B9D1: variants seen among roughly 807,000 people sequenced by gnomAD.
The protein encoded by B9D1 is B9 domain-containing protein 1.
B9D1 carries 20 observed loss-of-function variants against 26.1 expected under a neutral mutation model. The ratio of observed to expected loss-of-function variants is 0.77; its 90% confidence interval spans 0.54 to 1.12. The LOEUF (loss-of-function observed/expected upper bound fraction) is 1.12, where lower values mean the gene tolerates loss of function less well. Among genes scored for constraint, B9D1 ranks in the 50% most tolerant of loss-of-function variants. The pLI is 0.00. For synonymous variants in B9D1, 105 were observed against 103.1 expected (o/e 1.02, Z -0.11); for missense variants, 260 against 273.7 (o/e 0.95, Z 0.35).
chr17:19,360,241 G>T, intron 2 of B9D1, 79 bp downstream of exon 2: 1 of 1,314,824 alleles, frequency 7.6e-7, no homozygotes, highest in Non-Finnish European at 1.1e-6. Context: ...TGTTCTGAAT[G>T]GGGAGGGGAA....
intron 3 of B9D1, among the ~76,000 whole-genome samples, chr17:19,354,083 A>C (rs1567896257): frequency 6.6e-6 from 1 of 152,212 alleles, no homozygotes; most frequent in Non-Finnish European, 1.5e-5. Flanking sequence ...TTATTCCATC[A>C]GTATTTCTTC....
intron 6 of B9D1, 159 bp downstream of exon 6, chr17:19,343,631 A>G (rs1425538180): frequency 6.3e-7 from 1 of 1,579,626 alleles, no homozygotes; most frequent in Middle Eastern, 1.7e-4. Flanking sequence ...AGACATGACA[A>G]ACCCTCTGTG....
intron 5 of B9D1, among the ~76,000 whole-genome samples, chr17:19,344,888 C>T (rs1035484325): frequency 7.2e-5 from 11 of 152,208 alleles, no homozygotes; most frequent in African/African-American, 2.4e-4. Flanking sequence ...AGCCAGCAGG[C>T]GCTCCCCAAG....
At position 19,343,918 on chromosome 17, in the gene B9D1, G is replaced by A. The variant is rs1215199943; in HGVS notation, c.405-61C>T. ...CACCTGGGCATTCCTGGTCTTGGAC[G>A]ACACTGGATGTGGGCTCTCCTCGGT... On this transcript the variant is annotated intron_variant, in intron 5 of 6. Coordinates refer to ENST00000261499, the MANE Select transcript of B9D1 (RefSeq NM_015681.6). 4.2e-5 allele frequency: 68 copies of A among 1,609,280 alleles called. 1 individual carries two copies. Among genetic ancestry groups the A allele is most frequent in the East Asian group, 1.1e-4 (5 of 44,812 alleles).
intron 2 of B9D1, 148 bp from the exon 3 acceptor site, chr17:19,358,099 G>C: frequency 1.4e-6 from 1 of 697,194 alleles, no homozygotes; most frequent in Middle Eastern, 2.7e-4. Flanking sequence ...GGGACTAAGA[G>C]ATGATGGAGT....
chr17:19,357,496 T>C (rs894458262), intron 3 of B9D1: 10 of 388,268 alleles, frequency 2.6e-5, no homozygotes, highest in African/African-American at 1.7e-4. Flanking sequence ...CAACACGCCA[T>C]GGGAAGTCAG....
chr17:19,377,839 A>C (rs1912225924), intron 1 of B9D1: 1 of 985,312 alleles, frequency 1.0e-6, no homozygotes, highest in African/African-American at 1.7e-5. Context: ...GGGACAGACA[A>C]ACGAGCGGAG....
At chr17:19,377,496 G>A (rs1412813504) in intron 1 of B9D1, among the ~76,000 whole-genome samples, 2 of 152,120 alleles carry the variant, frequency 1.3e-5, no homozygotes, top group Non-Finnish European at 2.9e-5. Flanking sequence ...GTACGAATAT[G>A]CATACATATT....
At chr17:19,336,978 A>G (rs576961312), downstream of B9D1, among the ~76,000 whole-genome samples, 1 of 152,132 alleles carries the variant, frequency 6.6e-6, no homozygotes, top group South Asian at 2.1e-4. Context: ...ACTGCCCTTT[A>G]CCCTTCTGTG....
intron 3 of B9D1, among the ~76,000 whole-genome samples, chr17:19,351,361 T>C (rs2043707359): frequency 6.6e-6 from 1 of 152,228 alleles, no homozygotes; most frequent in Non-Finnish European, 1.5e-5. Flanking sequence ...TTTATCTTGC[T>C]AGTTTCTGAA....
intron 1 of B9D1, among the ~76,000 whole-genome samples, chr17:19,373,600 T>C (rs1466302965): frequency 5.3e-5 from 8 of 152,248 alleles, no homozygotes; most frequent in Admixed American, 5.2e-4. Flanking sequence ...GGTTTCACCA[T>C]GTTAGTCAGG....
Position 19,357,963 on chromosome 17 carries a change from G to A in B9D1, c.133-12C>T, listed in dbSNP as rs1181877339. 1.2e-6 allele frequency: 2 copies of A among 1,604,536 alleles called. No individual in the cohort carries two copies. Among genetic ancestry groups the A allele is most frequent in the South Asian group, 2.2e-5 (2 of 90,898 alleles). ...CCCTCCTCCAGACCCTGTGAGGACA[G>A]TGACACAGACGGCTGGATTCAGAGC... On this transcript the variant is annotated splice_polypyrimidine_tract_variant and intron_variant, in intron 2 of 6. Coordinates refer to ENST00000261499, the MANE Select transcript of B9D1 (RefSeq NM_015681.6).
At chr17:19,351,638 G>A (rs1909620415) in intron 3 of B9D1, among the ~76,000 whole-genome samples, 1 of 152,162 alleles carries the variant, frequency 6.6e-6, no homozygotes, top group Non-Finnish European at 1.5e-5. Context: ...CAGTGATGAA[G>A]ACACTCGGAC....
intron 3 of B9D1, among the ~76,000 whole-genome samples, chr17:19,349,696 T>C (rs892209228): frequency 2.6e-5 from 4 of 152,154 alleles, no homozygotes; most frequent in Non-Finnish European, 4.4e-5. Flanking sequence ...CTTTTTCTTA[T>C]TGATTTATAG....
chr17:19,341,549 G>C (rs1013750457), downstream of B9D1, among the ~76,000 whole-genome samples: 2 of 152,240 alleles, frequency 1.3e-5, no homozygotes, highest in Non-Finnish European at 2.9e-5. Context: ...CAGCTAATGT[G>C]GGGTGGTTGT....
chr17:19,340,233 C>CA (rs1358630648), downstream of B9D1, among the ~76,000 whole-genome samples: 1 of 152,080 alleles, frequency 6.6e-6, no homozygotes, highest in African/African-American at 2.4e-5. Context: ...TGCAGTGGCA[C>CA]AGTCTTGGCT....
intron 2 of B9D1, 55 bp downstream of exon 2, chr17:19,360,265 T>A: frequency 6.4e-7 from 1 of 1,565,646 alleles, no homozygotes; most frequent in Non-Finnish European, 8.8e-7. Flanking sequence ...TATGACACCT[T>A]CAGAAACCCC....
intron 3 of B9D1, among the ~76,000 whole-genome samples, chr17:19,348,316 GAGAAA>G (rs1378319137): frequency 6.6e-6 from 1 of 152,150 alleles, no homozygotes; most frequent in African/African-American, 2.4e-5. Context: ...AGAAGTCAGA[GAGAAA>G]AGAAAAACCT....
chr17:19,340,033 A>AAC (rs1907774483), downstream of B9D1, among the ~76,000 whole-genome samples: 6 of 110,544 alleles, frequency 5.4e-5, no homozygotes, highest in Admixed American at 2.2e-4. Context: ...CACATGCCCA[A>AAC]CCCCCCCCCC....
Sources: allele counts gnomAD v4.1 joint callset (sites outside exome capture counted in the v4.1 genomes callset), GRCh38; gene constraint gnomAD v4.1.1; transcripts MANE v1.5; gene names NCBI Gene and HGNC (gene_info 2026-07-23, HGNC 2026-07-21).